The following CNTN5 variants were observed in gnomAD, a reference collection of about 807,000 sequenced individuals.
CNTN5 encodes the protein contactin-5.
A neutral mutation model predicts 129.1 loss-of-function variants in CNTN5; 77 were observed. The observed-to-expected ratio is 0.60, with a 90% CI of 0.50 to 0.72. The LOEUF (loss-of-function observed/expected upper bound fraction) is 0.72, where lower values mean the gene tolerates loss of function less well. CNTN5 is among the 30% of genes least tolerant of loss of function. The pLI is 0.00. For missense variants in CNTN5, 1,478 were observed against 1,328.8 expected, an observed-to-expected ratio of 1.11 and a Z score of -1.75; for synonymous variants, 509 against 465.6, an observed-to-expected ratio of 1.09 and a Z score of -1.20.
intron 1 of CNTN5, among the ~76,000 whole-genome samples, chr11:99,220,259 A>T (rs1441104881): frequency 1.3e-5 from 2 of 151,978 alleles, no homozygotes; most frequent in African/African-American, 2.4e-5. Flanking sequence ...ATAAAACATG[A>T]TTTTTATTAA....
At chr11:99,276,735 C>A (rs1863453990) in intron 1 of CNTN5, among the ~76,000 whole-genome samples, 1 of 151,146 alleles carries the variant, frequency 6.6e-6, no homozygotes, top group Non-Finnish European at 1.5e-5. Flanking sequence ...TTTATACAAA[C>A]TATATATATG....
intron 2 of CNTN5, among the ~76,000 whole-genome samples, chr11:99,553,965 TACACAC>T (rs34430127): frequency 1.4e-4 from 21 of 146,116 alleles, no homozygotes; most frequent in Middle Eastern, 3.5e-3. Flanking sequence ...TGAAAATGAA[TACACAC>T]ACACACACAC....
Position 99,903,672 on chromosome 11 carries a change from C to A in CNTN5, c.578-12382C>A, listed in dbSNP as rs528695943. 2.6e-5 allele frequency among the ~76,000 whole-genome samples: 4 copies of A among 152,178 alleles called. No homozygotes were observed. The South Asian group carries it at 6.2e-4, about 24-fold the overall frequency. On this transcript the variant is annotated intron_variant, in intron 6 of 24. Transcript: ENST00000524871. ...TTCTAGTAGATAATAACTGCCATCA[C>A]CCTTGGTCAGAGGAACACCGTTAGC... is the stretch of plus-strand genomic sequence containing the variant.
intron 9 of CNTN5, among the ~76,000 whole-genome samples, chr11:100,044,109 C>CAA (rs1474586762): frequency 6.9e-6 from 1 of 145,946 alleles, no homozygotes; most frequent in Non-Finnish European, 1.5e-5. Context: ...TACACACACA[C>CAA]ACACACACGT....
chr11:99,965,365 G>T (rs984356848), intron 8 of CNTN5, among the ~76,000 whole-genome samples: 2 of 151,842 alleles, frequency 1.3e-5, no homozygotes, highest in African/African-American at 4.8e-5. Context: ...TTGTGTCTTT[G>T]TTCTCGTTGG....
At chr11:100,106,905 C>G (rs1945457343) in intron 13 of CNTN5, among the ~76,000 whole-genome samples, 1 of 152,128 alleles carries the variant, frequency 6.6e-6, no homozygotes. Flanking sequence ...CTGGTATTCA[C>G]TGTATGACAT....
At chr11:100,190,297 C>T (rs1009335821) in intron 13 of CNTN5, among the ~76,000 whole-genome samples, 1 of 151,906 alleles carries the variant, frequency 6.6e-6, no homozygotes, top group African/African-American at 2.4e-5. Flanking sequence ...TTTCAGGTTG[C>T]CGGAGTAGGT....
chr11:99,951,236 A>G (rs1001636735), intron 7 of CNTN5, among the ~76,000 whole-genome samples: 1 of 150,788 alleles, frequency 6.6e-6, no homozygotes, highest in Non-Finnish European at 1.5e-5. Context: ...TAATAGGGAA[A>G]GTGGGGCGCA....
chr11:99,915,647 A>G (rs1457973982), intron 6 of CNTN5, among the ~76,000 whole-genome samples: 1 of 152,208 alleles, frequency 6.6e-6, no homozygotes, highest in East Asian at 1.9e-4. Context: ...AGCCTGACAT[A>G]TAATGAAGAA....
intron 13 of CNTN5, among the ~76,000 whole-genome samples, chr11:100,133,724 C>T (rs1445765184): frequency 1.3e-5 from 2 of 152,044 alleles, no homozygotes; most frequent in East Asian, 1.9e-4. Context: ...ACCCCCTTTA[C>T]CATATAATCT....
At chr11:100,185,439 C>T (rs1273197419) in intron 13 of CNTN5, among the ~76,000 whole-genome samples, 2 of 152,094 alleles carry the variant, frequency 1.3e-5, no homozygotes, top group Non-Finnish European at 2.9e-5. Flanking sequence ...AGTGGGCTCC[C>T]TTGTCCCTGA....
chr11:99,977,660 C>T (rs1032226994), intron 8 of CNTN5, among the ~76,000 whole-genome samples: 2 of 152,144 alleles, frequency 1.3e-5, no homozygotes, highest in African/African-American at 4.8e-5. Context: ...TTAGAACTCT[C>T]ATGAGACAGC....
At chr11:99,988,402 G>A (rs1938831510) in intron 8 of CNTN5, among the ~76,000 whole-genome samples, 1 of 152,122 alleles carries the variant, frequency 6.6e-6, no homozygotes, top group South Asian at 2.1e-4. Context: ...TTATTTCTTG[G>A]TAATTACTGT....
At chr11:100,143,833 G>A (rs1946770004) in intron 13 of CNTN5, among the ~76,000 whole-genome samples, 1 of 152,126 alleles carries the variant, frequency 6.6e-6, no homozygotes, top group South Asian at 2.1e-4. Flanking sequence ...CTAGCAGAAG[G>A]CATTGGTAGG....
intron 3 of CNTN5, among the ~76,000 whole-genome samples, chr11:99,705,770 A>G (rs1464733304): frequency 2.6e-5 from 4 of 151,412 alleles, no homozygotes; most frequent in African/African-American, 9.7e-5. Context: ...GGTTTGAAAA[A>G]CAGTTTTTAA....
At chr11:99,857,106 C>T (rs186701135) in intron 6 of CNTN5, among the ~76,000 whole-genome samples, 49 of 149,374 alleles carry the variant, frequency 3.3e-4, no homozygotes, top group African/African-American at 1.2e-3. Context: ...GTCTTTCTGT[C>T]TGTCTCTCCC....
intron 1 of CNTN5, among the ~76,000 whole-genome samples, chr11:99,203,541 G>A (rs1006075428): frequency 2.0e-5 from 3 of 151,766 alleles, no homozygotes; most frequent in African/African-American, 4.8e-5. Flanking sequence ...CATTATAAAG[G>A]CAATATTAGC....
At chr11:99,519,374 A>G (rs1173818621) in intron 2 of CNTN5, among the ~76,000 whole-genome samples, 2 of 152,010 alleles carry the variant, frequency 1.3e-5, no homozygotes, top group Admixed American at 6.6e-5. Context: ...TCACAGCACC[A>G]ATTTTACTCA....
At chr11:100,062,486 C>T (rs1470087042) in intron 10 of CNTN5, among the ~76,000 whole-genome samples, 1 of 152,194 alleles carries the variant, frequency 6.6e-6, no homozygotes, top group Admixed American at 6.5e-5. Flanking sequence ...TTGTTAAGTG[C>T]CTCGTACTGC....
Sources: allele counts gnomAD v4.1 joint callset (sites outside exome capture counted in the v4.1 genomes callset), GRCh38; gene constraint gnomAD v4.1.1; transcripts MANE v1.5; gene names NCBI Gene and HGNC (gene_info 2026-07-23, HGNC 2026-07-21).